The following COL17A1 variants were observed in gnomAD, a reference collection of about 807,000 sequenced individuals.
The protein encoded by COL17A1 is collagen alpha-1(XVII) chain.
A neutral mutation model predicts 218.4 loss-of-function variants in COL17A1; 181 were observed. That is an observed-to-expected ratio of 0.83 (90% CI 0.73 to 0.94). The LOEUF (loss-of-function observed/expected upper bound fraction) is 0.94, where lower values mean the gene tolerates loss of function less well. COL17A1 is among the 40% of genes least tolerant of loss of function. COL17A1 has a pLI of 0.00. For missense variants in COL17A1, 1,924 were observed against 1,945.9 expected, an observed-to-expected ratio of 0.99 and a Z score of 0.21; for synonymous variants, 721 against 731.0, an observed-to-expected ratio of 0.99 and a Z score of 0.22.
At chr10:104,036,259 A>G (rs1304456070) in intron 48 of COL17A1, among the ~76,000 whole-genome samples, 2 of 15,630 alleles carry the variant, frequency 1.3e-4, no homozygotes, top group South Asian at 1.8e-3. Flanking sequence ...AGAGAGTTGT[A>G]TGTAGACTCC....
chr10:104,076,792 T>A (rs530391456), intron 4 of COL17A1, among the ~76,000 whole-genome samples: 3 of 152,206 alleles, frequency 2.0e-5, no homozygotes, highest in Non-Finnish European at 4.4e-5. Context: ...GGGCTTCCTT[T>A]TTAGTCTTAC....
intron 52 of COL17A1, among the ~76,000 whole-genome samples, 176 bp downstream of exon 52, chr10:104,033,769 C>CTGGG (rs923590794): frequency 1.3e-5 from 2 of 152,188 alleles, no homozygotes; most frequent in African/African-American, 4.8e-5. Context: ...GGTCCCAGGA[C>CTGGG]TGGGGCTCCT....
chr10:104,066,987 C>G (rs2086631605), intron 9 of COL17A1, among the ~76,000 whole-genome samples: 1 of 152,152 alleles, frequency 6.6e-6, no homozygotes, highest in South Asian at 2.1e-4. Context: ...GCAGCTAGAT[C>G]AATTTTTAGG....
intron 9 of COL17A1, among the ~76,000 whole-genome samples, chr10:104,064,898 G>T (rs1176910029): frequency 1.3e-5 from 2 of 152,190 alleles, no homozygotes; most frequent in African/African-American, 4.8e-5. Flanking sequence ...CTGGTGGGCT[G>T]TCCCACCAAT....
intron 46 of COL17A1, among the ~76,000 whole-genome samples, chr10:104,037,418 G>A (rs1413575144): frequency 6.6e-6 from 1 of 152,266 alleles, no homozygotes; most frequent in African/African-American, 2.4e-5. Flanking sequence ...GTCAATTGCC[G>A]GAAGGCTCAC....
intron 6 of COL17A1, 88 bp downstream of exon 6, chr10:104,074,096 G>A: frequency 1.3e-6 from 2 of 1,597,026 alleles, no homozygotes; most frequent in Admixed American, 1.7e-5. Flanking sequence ...AACTCATGAG[G>A]TCCCCTACTC....
At position 104,035,306 on chromosome 10, in the gene COL17A1, C is replaced by T. The variant is rs1314089824; in HGVS notation, c.3576G>A (p.Val1192=). 2 of 1,614,098 alleles carry T rather than the reference C, an allele frequency of 1.2e-6. No individual in the cohort carries two copies. Among genetic ancestry groups the T allele is most frequent in the African/African-American group, 2.7e-5 (2 of 74,942 alleles). Reference sequence around the variant, plus strand: ...GGTCCTCCACGCTGATGCTGGACCACACATTGCCTGGGATCCCTGGTGGAC... The same window carrying T: ...GGTCCTCCACGCTGATGCTGGACCATACATTGCCTGGGATCCCTGGTGGAC... ...PPGPPGIPGN[V]WSSISVEDLS... The change falls in exon 50 of 56, where the codon GTG becomes GTA. Residue 1192 remains valine, a synonymous_variant. Coordinates refer to ENST00000648076, the MANE Select transcript of COL17A1 (RefSeq NM_000494.4).
intron 12 of COL17A1, among the ~76,000 whole-genome samples, chr10:104,061,744 C>A (rs1202059046): frequency 6.6e-6 from 1 of 152,186 alleles, no homozygotes; most frequent in African/African-American, 2.4e-5. Flanking sequence ...TTAACACCTG[C>A]TCTGCATGGC....
intron 29 of COL17A1, among the ~76,000 whole-genome samples, chr10:104,048,579 C>T (rs2086436583): frequency 6.6e-6 from 1 of 152,230 alleles, no homozygotes; most frequent in African/African-American, 2.4e-5. Context: ...TTTGGGACCA[C>T]TTGAAATGCC....
intron 15 of COL17A1, among the ~76,000 whole-genome samples, 154 bp from the exon 16 acceptor site, chr10:104,058,344 A>C (rs546239760): frequency 6.6e-6 from 1 of 152,328 alleles, no homozygotes; most frequent in South Asian, 2.1e-4. Flanking sequence ...CACTAATCTG[A>C]TATTTGCGAT....
In COL17A1 at chr10:104,048,100, A is replaced by G. The variant is rs145823228; in HGVS notation, c.2232T>C (p.Pro744=). The part of the protein sequence containing the change: ...GEPGAKGAMG[P]AGPDGHQGPR... ...GGCCTTGGTGTCCGTCTGGGCCAGC[A>G]GGACCTGGTAAAGTAGAAGCAAGGT... Residue 744 remains proline (P), a synonymous_variant, in exon 30 of 56, where the codon CCT becomes CCC. Transcript: ENST00000648076. 6.2e-7 allele frequency: 1 copy of G among 1,614,216 alleles called. No individual in the cohort carries two copies. The highest frequency in any genetic ancestry group is 2.2e-5 in the East Asian group (1 of 44,882).
In COL17A1 at chr10:104,039,459, G is replaced by T; in HGVS notation, c.2882C>A (p.Pro961His). 6.2e-7 allele frequency: 1 copy of T among 1,614,064 alleles called. No individual in the cohort carries two copies. Among genetic ancestry groups the T allele is most frequent in the African/African-American group, 1.3e-5 (1 of 74,980 alleles). Reference sequence around the variant, plus strand: ...CCCTCACTGACCTTTGTCACCTTTGGGTCCCTGGGGGCCAGGTGGGCCTGG... The same window carrying T: ...CCCTCACTGACCTTTGTCACCTTTGTGTCCCTGGGGGCCAGGTGGGCCTGG... ...GPPGPPGPQGPKGDKGDPGVP... is the reference protein window; with the variant it reads ...GPPGPPGPQGHKGDKGDPGVP... Residue 961 changes from proline (P) to histidine (H), a missense_variant, in exon 43 of 56, where the codon CCC becomes CAC. By Grantham distance (77) the Pro-to-His change is moderately conservative (BLOSUM62 -2). Transcript: ENST00000648076.
intron 50 of COL17A1, 60 bp from the exon 51 acceptor site, chr10:104,034,827 A>T: frequency 6.3e-7 from 1 of 1,591,266 alleles, no homozygotes; most frequent in Admixed American, 1.8e-5. Flanking sequence ...CTGAATTCCC[A>T]GCCTGTGCTC....
At chr10:104,039,349 A>T in intron 43 of COL17A1, 96 bp downstream of exon 43, 1 of 1,356,024 alleles carries the variant, frequency 7.4e-7, no homozygotes, top group Non-Finnish European at 1.1e-6. Context: ...AAGACTTTAC[A>T]CTGATGAGTA....
intron 16 of COL17A1, 111 bp downstream of exon 16, chr10:104,058,035 G>GT: frequency 6.7e-7 from 1 of 1,484,034 alleles, no homozygotes; most frequent in Non-Finnish European, 9.3e-7. Context: ...TTTAGAGTCT[G>GT]GTGGCTTCTG....
chr10:104,071,786 C>T (rs749316449), intron 8 of COL17A1, among the ~76,000 whole-genome samples: 5 of 152,190 alleles, frequency 3.3e-5, no homozygotes, highest in African/African-American at 1.2e-4. Context: ...GGTTGACTTA[C>T]TGTCTCCCTA....
intron 44 of COL17A1, 45 bp from the exon 45 acceptor site, chr10:104,038,573 G>T: frequency 1.9e-6 from 3 of 1,603,128 alleles, no homozygotes; most frequent in Non-Finnish European, 2.5e-6. Context: ...TCCACCCTAG[G>T]GTCAGACAAA....
At chr10:104,055,286 A>G in intron 19 of COL17A1, 86 bp downstream of exon 19, 1 of 1,602,960 alleles carries the variant, frequency 6.2e-7, no homozygotes, top group East Asian at 2.2e-5. Context: ...CATTTAGAAC[A>G]AAGAAAAAGG....
At chr10:104,039,271 G>A (rs1237866192) in intron 43 of COL17A1, 150 bp from the exon 44 acceptor site, 7 of 1,014,152 alleles carry the variant, frequency 6.9e-6, no homozygotes, top group African/African-American at 1.6e-5. Flanking sequence ...TTGTACAGAG[G>A]CTATATCACC....
Sources: gnomAD v4.1 joint callset for allele counts (sites outside exome capture counted in the v4.1 genomes callset) on GRCh38, gnomAD v4.1.1 for gene constraint, MANE v1.5 for transcripts, NCBI Gene and HGNC (gene_info 2026-07-23, HGNC 2026-07-21) for gene names.